The following PATJ variants were observed in gnomAD, a reference collection of about 807,000 sequenced individuals.
PATJ encodes inaD-like protein.
In PATJ, 190 loss-of-function variants were observed where a neutral mutation model predicts 224.9. The ratio of observed to expected loss-of-function variants is 0.84; its 90% CI spans 0.75 to 0.95. The LOEUF (loss-of-function observed/expected upper bound fraction) is 0.95. Among genes scored for constraint, PATJ ranks in the 40% least tolerant of loss-of-function variants. The pLI is 0.00. For synonymous variants in PATJ, 769 were observed against 820.3 expected (o/e 0.94, Z 1.07); for missense variants, 2,121 against 2,270.3 (o/e 0.93, Z 1.34).
At chr1:62,153,314 T>G in intron 42 of PATJ, 44 bp from the exon 43 acceptor site, 1 of 1,212,898 alleles carries the variant, frequency 8.2e-7, no homozygotes, top group Non-Finnish European at 1.0e-6. Flanking sequence ...AAATTCCCTC[T>G]CAATATCTAT....
At chr1:61,943,733 G>A (rs1354460770) in intron 27 of PATJ, among the ~76,000 whole-genome samples, 2 of 152,188 alleles carry the variant, frequency 1.3e-5, no homozygotes, top group Non-Finnish European at 2.9e-5. Flanking sequence ...TTTGAAGAGA[G>A]TAGTGGTTCT....
intron 29 of PATJ, among the ~76,000 whole-genome samples, chr1:62,026,464 GTGTGTGTGTGTGTGTGTGTGTGTC>G (rs1355755635): frequency 9.0e-6 from 1 of 111,040 alleles, no homozygotes; most frequent in Non-Finnish European, 1.9e-5. Flanking sequence ...TTCAACATTT[GTGTGTGTGTGTGTGTGTGTGTGTC>G]TGTGTGTGTG....
intron 43 of PATJ, among the ~76,000 whole-genome samples, chr1:62,154,284 G>T (rs1195872935): frequency 6.6e-6 from 1 of 152,012 alleles, no homozygotes; most frequent in African/African-American, 2.4e-5. Flanking sequence ...ATTTCAAATT[G>T]ATACTACAGT....
chr1:61,832,850 GT>G (rs1659574248), intron 16 of PATJ, among the ~76,000 whole-genome samples: 1 of 152,070 alleles, frequency 6.6e-6, no homozygotes, highest in African/African-American at 2.4e-5. Context: ...AAAACAGAAG[GT>G]TTTTTGAAGC....
chr1:62,148,289 A>C lies in PATJ; in HGVS notation c.5277A>C (p.Val1759=), dbSNP rs201639193. 1.2e-4 allele frequency: 196 copies of C among 1,612,144 alleles called. No homozygotes were observed. Among genetic ancestry groups the C allele is most frequent in the Admixed American group, 2.8e-4 (17 of 59,906 alleles). ...NAYGRIILQV[V]ADTNISAIAA... Reference sequence around the variant, plus strand: ...TTTTTTCACTTTTTCCCCAGGTTGTAGCAGATACCAATATAAGCGCCATAG... The same window carrying C: ...TTTTTTCACTTTTTCCCCAGGTTGTCGCAGATACCAATATAAGCGCCATAG... Residue 1759 remains valine (V), a synonymous_variant, in exon 42 of 44, where the codon GTA becomes GTC. Transcript: ENST00000642238.
chr1:61,775,701 A>G (rs1193195539), intron 7 of PATJ, among the ~76,000 whole-genome samples: 1 of 152,214 alleles, frequency 6.6e-6, no homozygotes, highest in Non-Finnish European at 1.5e-5. Context: ...CAGTGATTAT[A>G]AACATTTGTC....
At position 61,901,413 on chromosome 1, in the gene PATJ, C is replaced by A; in HGVS notation, c.3335C>A (p.Pro1112Gln). Reference protein sequence around the residue: ...IFIKQVLEDSPAGKTNALKTG... With the variant: ...IFIKQVLEDSQAGKTNALKTG... ...ATCAAACAAGTTTTAGAAGACAGTCCAGCAGGGAAGACGAACGCACTTAAA... is the reference window on the plus strand; with the variant it reads ...ATCAAACAAGTTTTAGAAGACAGTCAAGCAGGGAAGACGAACGCACTTAAA... The change falls in exon 24 of 44, where the codon CCA (proline) becomes CAA (glutamine). Residue 1112 changes from proline (P) to glutamine (Q), a missense_variant. By Grantham distance (76) the Pro-to-Gln change is moderately conservative. Coordinates refer to ENST00000642238, the MANE Select transcript of PATJ (RefSeq NM_001350145.3). 1 of 1,584,146 alleles carries A rather than the reference C, an allele frequency of 6.3e-7. No individual in the cohort carries two copies.
At chr1:62,122,991 T>TA (rs1464867818) in intron 38 of PATJ, 30 bp from the exon 39 acceptor site, 3 of 1,474,304 alleles carry the variant, frequency 2.0e-6, no homozygotes, top group Non-Finnish European at 2.8e-6. Context: ...TTTTTAATAT[T>TA]AAAAAGTTAA....
chr1:61,875,891 T>C (rs1042977045), intron 21 of PATJ, among the ~76,000 whole-genome samples: 25 of 152,174 alleles, frequency 1.6e-4, no homozygotes, highest in Admixed American at 1.5e-3. Flanking sequence ...TCGATTCTTA[T>C]ATATGTTTGA....
Position 61,833,795 on chromosome 1 carries a change from C to A in PATJ, c.2112+10C>A, listed in dbSNP as rs755151181. The stretch of plus-strand genomic sequence containing the variant: ...CATTTTGGATTACCAGGTATAAGAA[C>A]CTGTGTAGAGGTGTTTTCTTTGGAG... On this transcript the variant is annotated intron_variant, in intron 17 of 43. Transcript: ENST00000642238. The A allele has an allele frequency of 6.2e-6, 10 of 1,611,246 alleles. No individual in the cohort carries two copies. Among genetic ancestry groups the A allele is most frequent in the Non-Finnish European group, 8.5e-6 (10 of 1,178,542 alleles).
Position 62,038,591 on chromosome 1 carries a change from A to G in PATJ, c.4032+542A>G, listed in dbSNP as rs866787965. On this transcript the variant is annotated intron_variant, in intron 30 of 43. Transcript: ENST00000642238. The stretch of plus-strand genomic sequence containing the variant: ...TTATTTTTTAACTCCAAAAAGAAAT[A>G]CATACTTATTGTTACTAATTAAATA... 2.4e-5 allele frequency: 4 copies of G among 163,664 alleles called. No homozygotes were observed. In the South Asian group the frequency reaches 6.9e-4, roughly 28 times the overall value. The allele number at this position is 163,664 out of a possible 1,614,324, so 10.1% of individuals were successfully genotyped here. A position where few individuals can be genotyped will look rare whatever the true frequency, so the allele number is the denominator to read the frequency against.
rs1665005983 is a variant in PATJ at position 62,121,239 on chromosome 1, G to A, written c.4949G>A (p.Gly1650Asp). The A allele has an allele frequency of 6.2e-7, 1 of 1,613,754 alleles. No homozygotes were observed. Among genetic ancestry groups the A allele is most frequent in the Non-Finnish European group, 8.5e-7 (1 of 1,179,982 alleles). The change falls in exon 38 of 44, where the codon GGC becomes GAC. Residue 1650 changes from glycine (G) to aspartate (D), a missense_variant. Transcript: ENST00000642238. ...CCCTCCTTCGCTCCTGTCATCACTG[G>A]CCTGCAAAACCTGGTTGGCACAAAA... ...CHPSFAPVIT[G>D]LQNLVGTKRV... is the part of the protein sequence containing the mutation.
rs183874680 is a variant in PATJ at position 61,768,193 on chromosome 1, C to T, written c.385-1090C>T. 1.5e-3 allele frequency among the ~76,000 whole-genome samples: 229 copies of T among 152,022 alleles called. 2 individuals are homozygous for T. Among genetic ancestry groups the T allele is most frequent in the African/African-American group, 4.4e-3 (183 of 41,498 alleles). On this transcript the variant is annotated intron_variant, in intron 4 of 43. Coordinates refer to ENST00000642238, the MANE Select transcript of PATJ (RefSeq NM_001350145.3). ...AATAAATAGAATATCAATTGGGCTG[C>T]GCATGGTGACTCACGCCTGTAATCC...
At chr1:61,843,410 A>G (rs555431002) in intron 17 of PATJ, among the ~76,000 whole-genome samples, 1 of 152,212 alleles carries the variant, frequency 6.6e-6, no homozygotes, top group Non-Finnish European at 1.5e-5. Context: ...AAATAGAAGT[A>G]ATATTTGCTT....
chr1:61,929,333 T>C (rs530016689), intron 27 of PATJ, among the ~76,000 whole-genome samples: 106 of 152,342 alleles, frequency 7.0e-4, no homozygotes, highest in African/African-American at 2.4e-3. Context: ...TGTGAGTTTT[T>C]GGAAAAGTTA....
chr1:61,798,567 A>G (rs1651823479), intron 11 of PATJ, among the ~76,000 whole-genome samples: 1 of 152,218 alleles, frequency 6.6e-6, no homozygotes, highest in South Asian at 2.1e-4. Context: ...ATGGAAACAC[A>G]TATTCAATTT....
At chr1:61,864,730 A>G in intron 20 of PATJ, 97 bp downstream of exon 20, 1 of 1,135,348 alleles carries the variant, frequency 8.8e-7, no homozygotes, top group Non-Finnish European at 1.2e-6. Context: ...TTGTTTTTAA[A>G]TGGGCCTTTC....
chr1:61,897,517 G>A (rs971618887), intron 22 of PATJ, among the ~76,000 whole-genome samples: 7 of 152,242 alleles, frequency 4.6e-5, no homozygotes, highest in Admixed American at 6.5e-5. Context: ...CTTACTCCTC[G>A]TTGTTTCTGT....
intron 30 of PATJ, among the ~76,000 whole-genome samples, chr1:62,044,078 T>A (rs1652047581): frequency 6.6e-6 from 1 of 152,180 alleles, no homozygotes; most frequent in Non-Finnish European, 1.5e-5. Flanking sequence ...ACAAGATAAT[T>A]AACATATGTA....
Sources: gnomAD v4.1 joint callset for allele counts (sites outside exome capture counted in the v4.1 genomes callset) on GRCh38, gnomAD v4.1.1 for gene constraint, MANE v1.5 for transcripts, NCBI Gene and HGNC (gene_info 2026-07-23, HGNC 2026-07-21) for gene names.